HK1: variants seen among roughly 807,000 people sequenced by gnomAD.
HK1 encodes hexokinase-1.
Under a neutral mutation model 91.6 loss-of-function variants are expected in HK1, and 28 were observed. That is an observed-to-expected ratio of 0.31 (90% CI 0.23 to 0.42). The LOEUF is 0.42. Ranked by LOEUF, HK1 falls within the 10% of genes least tolerant of loss-of-function variation. The pLI is 1.00. For missense variants in HK1, 770 were observed against 1,219.8 expected (o/e 0.63, Z 5.49); for synonymous variants, 430 against 468.1 (o/e 0.92, Z 1.05).
At chr10:69,309,036 T>A (rs947110137) in intron 5 of HK1, among the ~76,000 whole-genome samples, 3 of 152,180 alleles carry the variant, frequency 2.0e-5, no homozygotes, top group Non-Finnish European at 4.4e-5. Flanking sequence ...TGGTCTGGCA[T>A]GGTGGCTCAT....
intron 1 of HK1, among the ~76,000 whole-genome samples, chr10:69,325,263 G>T (rs1007791351): frequency 6.6e-6 from 1 of 151,662 alleles, no homozygotes; most frequent in Non-Finnish European, 1.5e-5. Context: ...GTATTAGCCA[G>T]GATGGTCTCG....
chr10:69,368,560 C>A lies in HK1; in HGVS notation c.520C>A (p.Arg174=). ...GGCCATCCTGATCACCTGGACAAAG[C>A]GATTTAAAGCGAGCGGAGTGGAAGG... is the stretch of plus-strand genomic sequence containing the variant. The part of the protein sequence containing the change: ...DEAILITWTK[R]FKASGVEGAD... Residue 174 remains arginine (R), a synonymous_variant, in exon 5 of 18, where the codon CGA becomes AGA. Coordinates refer to ENST00000359426, the MANE Select transcript of HK1 (RefSeq NM_000188.3). 2 of 1,614,162 alleles carry A rather than the reference C, an allele frequency of 1.2e-6. No individual in the cohort carries two copies. The highest frequency in any genetic ancestry group is 8.5e-7 in the Non-Finnish European group (1 of 1,179,978).
At chr10:69,342,113 A>G (rs111817550) in intron 1 of HK1, among the ~76,000 whole-genome samples, 249 of 152,250 alleles carry the variant, frequency 1.6e-3, no homozygotes, top group Non-Finnish European at 3.0e-3. Context: ...CTGCCACTGC[A>G]TTCCAGCCTG....
At chr10:69,303,034 CCTGA>C (rs1409632681) in intron 5 of HK1, among the ~76,000 whole-genome samples, 2 of 152,102 alleles carry the variant, frequency 1.3e-5, no homozygotes, top group Non-Finnish European at 2.9e-5. Flanking sequence ...CCCTGTCCAT[CCTGA>C]CTAAAATGAA....
chr10:69,276,112 A>ATAT (rs1564746747), intron 1 of HK1, among the ~76,000 whole-genome samples: 39 of 42,568 alleles, frequency 9.2e-4, no homozygotes, highest in East Asian at 2.7e-3. Context: ...AAAAAAAAAA[A>ATAT]AAAAAAATAC....
At chr10:69,276,108 A>AT (rs1352397297) in intron 1 of HK1, among the ~76,000 whole-genome samples, 21 of 48,968 alleles carry the variant, frequency 4.3e-4, no homozygotes, top group East Asian at 2.7e-3. Context: ...AAAAAAAAAA[A>AT]AAAAAAAAAA....
intron 1 of HK1, among the ~76,000 whole-genome samples, chr10:69,325,560 CTG>C (rs1455613887): frequency 2.0e-5 from 3 of 148,654 alleles, no homozygotes; most frequent in African/African-American, 5.0e-5. Flanking sequence ...GGGTCTCACT[CTG>C]TATCCTGGGT....
intron 15 of HK1, among the ~76,000 whole-genome samples, chr10:69,393,972 G>T (rs1458828730): frequency 6.6e-6 from 1 of 152,244 alleles, no homozygotes; most frequent in East Asian, 1.9e-4. Flanking sequence ...AGGGGTTAAG[G>T]ACATGTCAGC....
Position 69,318,959 on chromosome 10 carries a change from G to T in HK1, c.12G>T (p.Ala4=), listed in dbSNP as rs769520570. 1 of 1,598,508 alleles carries T rather than the reference G, an allele frequency of 6.3e-7. No individual in the cohort carries two copies. Among genetic ancestry groups the T allele is most frequent in the African/African-American group, 1.3e-5 (1 of 74,550 alleles). Residue 4 remains alanine, a synonymous_variant, in exon 1 of 18, where the codon GCG becomes GCT. Coordinates refer to ENST00000359426, the MANE Select transcript of HK1 (RefSeq NM_000188.3). MIA[A]QLLAYYFTEL... is the part of the protein sequence containing the mutation. ...CCCCGACCGCCAGCATGATCGCCGC[G>T]CAGCTCCTGGCCTATTACTTCACGG...
At chr10:69,378,001 G>T (rs1270473040) in intron 8 of HK1, among the ~76,000 whole-genome samples, 1 of 152,222 alleles carries the variant, frequency 6.6e-6, no homozygotes, top group Non-Finnish European at 1.5e-5. Flanking sequence ...TCTCTTTGAG[G>T]TTAGAGAAGG....
At chr10:69,350,792 GC>G (rs1330445865) in intron 2 of HK1, among the ~76,000 whole-genome samples, 1 of 152,126 alleles carries the variant, frequency 6.6e-6, no homozygotes, top group Non-Finnish European at 1.5e-5. Context: ...TTGCTTTTGT[GC>G]CCCTTTTCCC....
intron 2 of HK1, among the ~76,000 whole-genome samples, chr10:69,354,580 G>A (rs1174371606): frequency 6.6e-6 from 1 of 152,084 alleles, no homozygotes; most frequent in African/African-American, 2.4e-5. Context: ...TTGATATGTG[G>A]GCATTGTGGG....
At position 69,343,882 on chromosome 10, in the gene HK1, T is replaced by C. The variant is rs1589515000; in HGVS notation, c.119T>C (p.Met40Thr). 5 of 1,613,992 alleles carry C rather than the reference T, an allele frequency of 3.1e-6. No individual in the cohort carries two copies. The highest frequency in any genetic ancestry group is 2.2e-5 in the East Asian group (1 of 44,876). The stretch of plus-strand genomic sequence containing the variant: ...TCCGATGAAACTCTCATAGATATCA[T>C]GACTCGCTTCAGGAAGGAGATGAAG... ...RLSDETLIDI[M>T]TRFRKEMKNG... The change falls in exon 2 of 18, where the codon ATG becomes ACG. Residue 40 changes from methionine (M) to threonine (T), a missense_variant. Met to Thr is a moderately conservative substitution (Grantham distance 81). This residue lies in a region of HK1 where 449 missense variants were observed against 665.1 expected (regional missense o/e 0.68). Coordinates refer to ENST00000359426, the MANE Select transcript of HK1 (RefSeq NM_000188.3).
rs1849323648 is a variant in HK1 at position 69,359,845 on chromosome 10, G to A, written c.227-52G>A. ...TGCCAGGAAGCGGGCATGGTATGTG[G>A]CTTCCCCTTAACATTTGAATCTCAT... On this transcript the variant is annotated intron_variant, in intron 2 of 17. Coordinates refer to ENST00000359426, the MANE Select transcript of HK1 (RefSeq NM_000188.3). 5 of 1,579,830 alleles carry A rather than the reference G, an allele frequency of 3.2e-6. No individual in the cohort carries two copies. In the East Asian group the frequency reaches 1.1e-4, roughly 35 times the overall value.
In HK1 at chr10:69,349,312, C is replaced by T. The variant is rs115924800; in HGVS notation, c.226+5323C>T. Among the ~76,000 whole-genome samples, 517 of 152,264 alleles carry T rather than the reference C, an allele frequency of 3.4e-3. 1 individual carries two copies. The highest frequency in any genetic ancestry group is 0.024 in the Middle Eastern group (7 of 294). ...CATGGGTAAAATGGCCATGGTAATC[C>T]CTGCCCCACCTGCCTCACCAGGCTA... is the stretch of plus-strand genomic sequence containing the variant. On this transcript the variant is annotated intron_variant, in intron 2 of 17. Transcript: ENST00000359426.
At chr10:69,393,305 C>CTTT (rs199574875) in intron 15 of HK1, among the ~76,000 whole-genome samples, 4 of 145,614 alleles carry the variant, frequency 2.7e-5, no homozygotes, top group Non-Finnish European at 4.5e-5. Context: ...CTTTTCTTTT[C>CTTT]TTTTCTTTTT....
intron 2 of HK1, among the ~76,000 whole-genome samples, chr10:69,286,443 G>T (rs936476191): frequency 6.6e-6 from 1 of 152,130 alleles, no homozygotes. Flanking sequence ...TGCAGTTAGT[G>T]TGATTGCACT....
chr10:69,400,089 G>A (rs371465542), intron 17 of HK1, among the ~76,000 whole-genome samples: 1 of 152,228 alleles, frequency 6.6e-6, no homozygotes, highest in Admixed American at 6.5e-5. Flanking sequence ...TAGAATCTGT[G>A]TGCAATTGCT....
At chr10:69,307,316 C>T (rs936953491) in intron 5 of HK1, among the ~76,000 whole-genome samples, 2 of 152,064 alleles carry the variant, frequency 1.3e-5, no homozygotes, top group Non-Finnish European at 2.9e-5. Context: ...CCATAACCCA[C>T]TTATAGCCCC....
Sources: gnomAD v4.1 joint callset for allele counts (sites outside exome capture counted in the v4.1 genomes callset) on GRCh38, gnomAD v4.1.1 for gene constraint, gnomAD v4.1.1 regional missense constraint, MANE v1.5 for transcripts, NCBI Gene and HGNC (gene_info 2026-07-23, HGNC 2026-07-21) for gene names.